RAPGEFL1: variants seen among roughly 807,000 people sequenced by gnomAD.
RAPGEFL1 encodes the protein Rap guanine nucleotide exchange factor like 1, also known as rap guanine nucleotide exchange factor-like 1.
Under a neutral mutation model 64.4 loss-of-function variants are expected in RAPGEFL1, and 31 were observed. The observed-to-expected ratio is 0.48, with a 90% CI of 0.36 to 0.65. The LOEUF (loss-of-function observed/expected upper bound fraction) is 0.65, where lower values mean the gene tolerates loss of function less well. Ranked by LOEUF, RAPGEFL1 falls within the 30% of genes least tolerant of loss-of-function variation. The pLI, the probability that RAPGEFL1 is intolerant of heterozygous loss-of-function variation, is 0.00. For synonymous variants in RAPGEFL1, 331 were observed against 274.1 expected (o/e 1.21, Z -2.05); for missense variants, 682 against 677.4 (o/e 1.01, Z -0.08).
chr17:40,178,969 G>T (rs1326915876), intron 1 of RAPGEFL1, among the ~76,000 whole-genome samples: 1 of 152,204 alleles, frequency 6.6e-6, no homozygotes, highest in Admixed American at 6.5e-5. Context: ...GTGTCTGGGA[G>T]GGGAGAGGTG....
intron 1 of RAPGEFL1, chr17:40,181,120 C>G (rs879858721): frequency 5.7e-5 from 20 of 350,316 alleles, no homozygotes; most frequent in Non-Finnish European, 1.1e-4. Context: ...CTCTCCATCT[C>G]CCTTTTAATC....
chr17:40,194,758 A>C lies in RAPGEFL1; in HGVS notation c.*970A>C, dbSNP rs1039792893. 2.0e-5 allele frequency: 3 copies of C among 152,434 alleles called. No homozygotes were observed. The highest frequency in any genetic ancestry group is 2.0e-4 in the Admixed American group (3 of 15,276). 9.4% of individuals were successfully genotyped at this position (152,434 alleles called of 1,614,324 possible). A position where few individuals can be genotyped will look rare whatever the true frequency, so the allele number is the denominator to read the frequency against. On this transcript the variant is annotated 3_prime_UTR_variant, in exon 15 of 15. Coordinates refer to ENST00000620260, the MANE Select transcript of RAPGEFL1 (RefSeq NM_016339.6). ...GGAGTTGACATCCCCCTTCTGGCTC[A>C]TGTGTCTGACACCAACAACATGGTC... is the stretch of plus-strand genomic sequence containing the variant.
rs1215492352 is a variant in RAPGEFL1, at chr17:40,191,095, G to A, written c.1336-221G>A. 1.7e-6 allele frequency: 1 copy of A among 598,464 alleles called. No individual in the cohort carries two copies. The allele number at this position is 598,464 out of a possible 1,614,324, so 37.1% of individuals were successfully genotyped here. On this transcript the variant is annotated intron_variant, in intron 8 of 14. Coordinates refer to ENST00000620260, the MANE Select transcript of RAPGEFL1 (RefSeq NM_016339.6). This position sits in a 1 kb window ranked among gnomAD's most constrained non-coding sequence, Gnocchi z 5.1. The stretch of plus-strand genomic sequence containing the variant: ...GGATGTCAGCCGTGAGCGAATGCCT[G>A]GCACCTAGTAAGTGCTCAGTAGCTG...
chr17:40,193,963 C>T lies in RAPGEFL1; in HGVS notation c.*175C>T, dbSNP rs1990372228. 1 of 831,168 alleles carries T rather than the reference C, an allele frequency of 1.2e-6. No homozygotes were observed. Among genetic ancestry groups the T allele is most frequent in the South Asian group, 1.8e-5 (1 of 55,372 alleles). The allele number at this position is 831,168 out of a possible 1,614,324, so 51.5% of individuals were successfully genotyped here. On this transcript the variant is annotated 3_prime_UTR_variant, in exon 15 of 15. Coordinates refer to ENST00000620260, the MANE Select transcript of RAPGEFL1 (RefSeq NM_016339.6). ...TAAGTCTGTTCATCCTGCTGAAGTC[C>T]CCTCCCCATTGCTCCTTCAAGCCAA...
intron 1 of RAPGEFL1, among the ~76,000 whole-genome samples, chr17:40,180,541 C>T (rs988017760): frequency 3.3e-5 from 5 of 152,262 alleles, no homozygotes; most frequent in Middle Eastern, 3.4e-3. Context: ...GCCTCTCCAA[C>T]GTCCAAGCAG....
At chr17:40,186,487 G>A (rs1349805142) in intron 4 of RAPGEFL1, among the ~76,000 whole-genome samples, 1 of 146,350 alleles carries the variant, frequency 6.8e-6, no homozygotes, top group Non-Finnish European at 1.5e-5. Flanking sequence ...AGAATGGCGT[G>A]AACCCGGGAA....
At chr17:40,183,518 C>CT (rs760848897) in intron 2 of RAPGEFL1, among the ~76,000 whole-genome samples, 2,846 of 130,126 alleles carry the variant, frequency 0.022, 81 homozygotes, top group East Asian at 0.095. Context: ...CTTTTCTTTT[C>CT]TTTTTTTTTT....
chr17:40,193,123 C>T, intron 13 of RAPGEFL1, 133 bp downstream of exon 13: 1 of 1,008,660 alleles, frequency 9.9e-7, no homozygotes, highest in Non-Finnish European at 1.5e-6. Context: ...TGACTGTCTC[C>T]CTGGTGGCAT....
intron 6 of RAPGEFL1, 38 bp from the exon 7 acceptor site, chr17:40,190,396 C>A (rs777917852): frequency 3.2e-6 from 5 of 1,584,052 alleles, no homozygotes; most frequent in Non-Finnish European, 4.3e-6. Flanking sequence ...AGGGTGCAGG[C>A]GGCAGGGGCC....
Position 40,184,679 on chromosome 17 carries a change from G to GT in RAPGEFL1, c.833+2dup. The stretch of plus-strand genomic sequence containing the variant: ...AGCTGGTGGAGACGGTGGAACTAAA[G>GT]TGAGGGGGAGTGGGGCAGGGGCGGG... On this transcript the variant is annotated splice_donor_variant, in intron 4 of 14. Transcript: ENST00000620260. LOFTEE classifies it high-confidence loss of function. 2 of 1,546,486 alleles carry GT rather than the reference G, an allele frequency of 1.3e-6. No homozygotes were observed. Among genetic ancestry groups the GT allele is most frequent in the Non-Finnish European group, 1.8e-6 (2 of 1,129,212 alleles).
rs2145230941 is a variant in RAPGEFL1, at chr17:40,194,246, T to TGTGTGTGC, written c.*465_*466insCGTGTGTG. The TGTGTGTGC allele has an allele frequency of 1.8e-5, 2 of 110,382 alleles. No homozygotes were observed. Among genetic ancestry groups the TGTGTGTGC allele is most frequent in the South Asian group, 4.8e-4 (2 of 4,156 alleles). 6.8% of individuals were successfully genotyped at this position (110,382 alleles called of 1,614,324 possible). A position where few individuals can be genotyped will look rare whatever the true frequency, so the allele number is the denominator to read the frequency against. On this transcript the variant is annotated 3_prime_UTR_variant, in exon 15 of 15. Coordinates refer to ENST00000620260, the MANE Select transcript of RAPGEFL1 (RefSeq NM_016339.6). Reference sequence around the variant, plus strand: ...TATTATGTTGCCGTGTGTGTGTGTGTGTGTGTGTGTGTGTGTGTGTGTGTG... The same window carrying TGTGTGTGC: ...TATTATGTTGCCGTGTGTGTGTGTGTGTGTGTGCGTGTGTGTGTGTGTGTGTGTGTGTG...
intron 4 of RAPGEFL1, 74 bp from the exon 5 acceptor site, chr17:40,188,792 T>G: frequency 8.5e-7 from 1 of 1,172,580 alleles, no homozygotes; most frequent in Non-Finnish European, 1.3e-6. Context: ...TATTCTTGCT[T>G]GATGTTGCCT....
chr17:40,190,829 TC>T lies in RAPGEFL1; in HGVS notation c.1335+68del, dbSNP rs2145222003. 3.1e-6 allele frequency: 5 copies of T among 1,592,000 alleles called. No individual in the cohort carries two copies. In the South Asian group the frequency reaches 5.7e-5, roughly 18 times the overall value. On this transcript the variant is annotated intron_variant, in intron 8 of 14. Coordinates refer to ENST00000620260, the MANE Select transcript of RAPGEFL1 (RefSeq NM_016339.6). ...GAAATGTGCCATTGGGAGACGGTGT[TC>T]GCAGCACAACGTCCTGGTTCCAAGG...
intron 2 of RAPGEFL1, 75 bp from the exon 3 acceptor site, chr17:40,184,139 C>G: frequency 8.8e-7 from 1 of 1,142,846 alleles, no homozygotes; most frequent in Non-Finnish European, 1.3e-6. Context: ...CCACTGCGCC[C>G]AGCCTAGCCT....
intron 1 of RAPGEFL1, among the ~76,000 whole-genome samples, chr17:40,180,867 C>T (rs1322743858): frequency 6.6e-6 from 1 of 152,258 alleles, no homozygotes; most frequent in Non-Finnish European, 1.5e-5. Flanking sequence ...CTGGCTCCCT[C>T]CCTGCACCTT....
At chr17:40,188,629 C>G (rs1990156548) in intron 4 of RAPGEFL1, 1 of 546,274 alleles carries the variant, frequency 1.8e-6, no homozygotes. Context: ...AGTGACCTTC[C>G]TGGTGGGTGG....
intron 6 of RAPGEFL1, among the ~76,000 whole-genome samples, chr17:40,189,619 C>A (rs1248528437): frequency 6.6e-6 from 1 of 152,126 alleles, no homozygotes; most frequent in African/African-American, 2.4e-5. Flanking sequence ...GCCCAGGAAT[C>A]CAAGGTAGTA....
chr17:40,178,369 AG>A lies in RAPGEFL1; in HGVS notation c.509del (p.Ser170ThrfsTer51). ...ERLAGGATRD[S>X]AASDILLDDI... ...GCTTGCTGGAGGGGCTACCAGGGACAGCGCCGCCTCAGGTAAGGAGCCGGTG... is the reference window on the plus strand; with the variant it reads ...GCTTGCTGGAGGGGCTACCAGGGACACGCCGCCTCAGGTAAGGAGCCGGTG... On this transcript the variant is annotated frameshift_variant, in exon 1 of 15. Transcript: ENST00000620260. LOFTEE classifies it high-confidence loss of function. 1 of 525,856 alleles carries A rather than the reference AG, an allele frequency of 1.9e-6. No individual in the cohort carries two copies. Among genetic ancestry groups the A allele is most frequent in the Non-Finnish European group, 3.4e-6 (1 of 292,716 alleles). 32.6% of individuals were successfully genotyped at this position (525,856 alleles called of 1,614,324 possible).
intron 1 of RAPGEFL1, 103 bp downstream of exon 1, chr17:40,178,484 A>G: frequency 2.3e-6 from 1 of 435,128 alleles, no homozygotes; most frequent in East Asian, 3.5e-5. Context: ...GCTTGGTTAT[A>G]GGGTTGAGTG....
Sources: allele counts gnomAD v4.1 joint callset (sites outside exome capture counted in the v4.1 genomes callset), GRCh38; gene constraint gnomAD v4.1.1; non-coding constraint Gnocchi (gnomAD v3.1); transcripts MANE v1.5; gene names NCBI Gene and HGNC (gene_info 2026-07-23, HGNC 2026-07-21).